APP: variants seen among roughly 807,000 people sequenced by gnomAD.
The protein encoded by APP is amyloid beta precursor protein.
APP carries 31 observed loss-of-function variants against 101.4 expected under a neutral mutation model. The observed-to-expected ratio is 0.31, with a 90% CI of 0.23 to 0.41. The LOEUF (loss-of-function observed/expected upper bound fraction) is 0.41. Ranked by LOEUF, APP falls within the 10% of genes least tolerant of loss-of-function variation. The pLI, the probability that APP is intolerant of heterozygous loss-of-function variation, is 1.00. For synonymous variants in APP, 366 were observed against 364.4 expected (o/e 1.00, Z -0.05); for missense variants, 839 against 1,003.7 (o/e 0.84, Z 2.22).
chr21:26,097,625 C>G (rs45569834), intron 2 of APP, among the ~76,000 whole-genome samples: 3,857 of 152,208 alleles, frequency 0.025, 168 homozygotes, highest in African/African-American at 0.089. Flanking sequence ...TAAATAAGCA[C>G]TCAGCTGAGG....
chr21:25,935,570 G>A (rs1324322338), intron 13 of APP, among the ~76,000 whole-genome samples: 7 of 151,978 alleles, frequency 4.6e-5, no homozygotes, highest in East Asian at 3.9e-4. Flanking sequence ...GGCTGGGCGC[G>A]GTGGCTCACA....
chr21:26,157,107 T>C (rs1282672113), intron 1 of APP, among the ~76,000 whole-genome samples: 39 of 152,184 alleles, frequency 2.6e-4, no homozygotes, highest in Admixed American at 2.6e-3. Context: ...TCTGGCTCTG[T>C]TGCCCAGGCT....
intron 8 of APP, 125 bp from the exon 9 acceptor site, chr21:25,982,602 AT>A: frequency 1.1e-6 from 1 of 894,310 alleles, no homozygotes; most frequent in South Asian, 1.6e-5. Context: ...AAAGCAGCGC[AT>A]ACAAGACGTT....
intron 2 of APP, among the ~76,000 whole-genome samples, chr21:26,108,155 C>T (rs535515624): frequency 6.6e-6 from 1 of 152,260 alleles, no homozygotes; most frequent in East Asian, 1.9e-4. Context: ...TCCACGGAAA[C>T]AGAATGCAAC....
chr21:26,026,192 T>G lies in APP; in HGVS notation c.663-4150A>C, dbSNP rs559460944. On this transcript the variant is annotated intron_variant, in intron 5 of 17. Coordinates refer to ENST00000346798, the MANE Select transcript of APP (RefSeq NM_000484.4). ...AACAACTCACAATAAAATAAACGCT[T>G]GGCAACATAGTGGAACATTCATACC... Among the ~76,000 whole-genome samples the G allele has an allele frequency of 3.3e-5, 5 of 152,350 alleles. No individual in the cohort carries two copies. The East Asian group carries it at 9.6e-4, about 29-fold the overall frequency.
chr21:26,017,070 G>C (rs1174989631), intron 6 of APP, among the ~76,000 whole-genome samples: 1 of 151,620 alleles, frequency 6.6e-6, no homozygotes, highest in Non-Finnish European at 1.5e-5. Flanking sequence ...ATCGTGGCAG[G>C]CACCTGTAGT....
intron 13 of APP, among the ~76,000 whole-genome samples, chr21:25,918,339 T>G (rs1317512075): frequency 6.6e-6 from 1 of 152,226 alleles, no homozygotes; most frequent in African/African-American, 2.4e-5. Flanking sequence ...CATGGAATAC[T>G]ATGCAGCCAT....
chr21:26,141,286 C>T (rs1007665461), intron 1 of APP, among the ~76,000 whole-genome samples: 8 of 152,146 alleles, frequency 5.3e-5, no homozygotes, highest in African/African-American at 1.2e-4. Flanking sequence ...TGTTACTTAA[C>T]GTTTTACATT....
chr21:26,077,601 G>A (rs781557971), intron 3 of APP, among the ~76,000 whole-genome samples: 2 of 151,954 alleles, frequency 1.3e-5, no homozygotes, highest in Non-Finnish European at 1.5e-5. Context: ...AATCTTTAAC[G>A]CAGGTAATGC....
At chr21:25,940,486 T>C (rs1387374422) in intron 13 of APP, among the ~76,000 whole-genome samples, 3 of 152,210 alleles carry the variant, frequency 2.0e-5, no homozygotes, top group Non-Finnish European at 2.9e-5. Flanking sequence ...TTTAAAAAAC[T>C]ACCAATTGGC....
chr21:25,903,397 A>T (rs1444564597), intron 15 of APP, among the ~76,000 whole-genome samples: 7 of 149,464 alleles, frequency 4.7e-5, no homozygotes, highest in Admixed American at 3.4e-4. Context: ...TCAAAAAACA[A>T]TTTTTTTAAA....
chr21:26,135,216 T>C (rs1869795573), intron 1 of APP, among the ~76,000 whole-genome samples: 1 of 152,184 alleles, frequency 6.6e-6, no homozygotes, highest in Admixed American at 6.6e-5. Context: ...ATTGAGAGCT[T>C]ATCAGAAGGT....
intron 15 of APP, among the ~76,000 whole-genome samples, chr21:25,901,003 A>AAAAAAAAAAAAAAAAAAAAC (rs1260628465): frequency 1.2e-4 from 18 of 146,182 alleles, no homozygotes; most frequent in African/African-American, 4.7e-4. Context: ...AAAAAAAAAA[A>AAAAAAAAAAAAAAAAAAAAC]AGAATGAGCT....
At chr21:25,980,447 A>G (rs2042385474) in intron 9 of APP, among the ~76,000 whole-genome samples, 1 of 143,140 alleles carries the variant, frequency 7.0e-6, no homozygotes, top group Non-Finnish European at 1.5e-5. Context: ...TGTCTTTCCT[A>G]AGGAAAGATC....
chr21:25,902,268 G>A (rs575569715), intron 15 of APP, among the ~76,000 whole-genome samples: 1 of 152,288 alleles, frequency 6.6e-6, no homozygotes, highest in African/African-American at 2.4e-5. Flanking sequence ...TCTTGGGAAG[G>A]CTTTCTAAGT....
intron 14 of APP, among the ~76,000 whole-genome samples, chr21:25,910,285 G>A (rs995428336): frequency 4.6e-5 from 7 of 152,064 alleles, no homozygotes; most frequent in East Asian, 1.9e-4. Flanking sequence ...CCGCCACCAC[G>A]CCCGGCTAAC....
At chr21:26,106,378 A>C (rs1270259074) in intron 2 of APP, among the ~76,000 whole-genome samples, 1 of 152,128 alleles carries the variant, frequency 6.6e-6, no homozygotes, top group Non-Finnish European at 1.5e-5. Context: ...TATAAAATAC[A>C]AATTGTTTAG....
At chr21:25,897,330 G>A (rs567198190) in intron 16 of APP, among the ~76,000 whole-genome samples, 2 of 152,250 alleles carry the variant, frequency 1.3e-5, no homozygotes, top group East Asian at 3.9e-4. Flanking sequence ...TGGCCAGGCT[G>A]GTCTCGAATT....
At chr21:25,973,943 TA>T (rs369334912) in intron 11 of APP, among the ~76,000 whole-genome samples, 1,995 of 111,090 alleles carry the variant, frequency 0.018, 39 homozygotes, top group African/African-American at 0.062. Flanking sequence ...CCATCTCATT[TA>T]AAAAAAAAAA....
Sources: allele counts gnomAD v4.1 joint callset (sites outside exome capture counted in the v4.1 genomes callset), GRCh38; gene constraint gnomAD v4.1.1; transcripts MANE v1.5; gene names NCBI Gene and HGNC (gene_info 2026-07-23, HGNC 2026-07-21).